The following CCDC88C variants were observed in gnomAD, a reference collection of about 807,000 sequenced individuals.
CCDC88C encodes the protein protein Daple.
A neutral mutation model predicts 198.8 loss-of-function variants in CCDC88C; 131 were observed. The observed-to-expected ratio is 0.66, with a 90% CI of 0.57 to 0.76. The LOEUF is 0.76. CCDC88C is among the 30% of genes least tolerant of loss of function. CCDC88C has a pLI of 0.00. For synonymous variants in CCDC88C, 1,166 were observed against 1,114.7 expected (o/e 1.05, Z -0.92); for missense variants, 2,553 against 2,631.6 (o/e 0.97, Z 0.65).
rs552845698 is a variant in CCDC88C at position 91,315,701 on chromosome 14, C to A, written c.1614G>T (p.Lys538Asn). 1.9e-6 allele frequency: 3 copies of A among 1,613,870 alleles called. No homozygotes were observed. In the African/African-American group the frequency reaches 4.0e-5, roughly 22 times the overall value. ...TCTCCATGTCACTCTGCAGCTGCTC[C>A]TTCTCTCTGATCAGCTCCTCACTGA... Reference protein sequence around the residue: ...ETLSEELIREKEQLQSDMETL... With the variant: ...ETLSEELIRENEQLQSDMETL... Residue 538 changes from lysine to asparagine, a missense_variant, in exon 14 of 30, where the codon AAG (lysine) becomes AAT (asparagine). By Grantham distance (94) the Lys-to-Asn change is moderately conservative. Around this residue, in one of 2 missense-constraint regions of CCDC88C, gnomAD observed 1,260 missense variants for 1,412.0 expected, o/e 0.89. Coordinates refer to ENST00000389857, the MANE Select transcript of CCDC88C (RefSeq NM_001080414.4).
chr14:91,387,501 A>T (rs992300342), intron 3 of CCDC88C, among the ~76,000 whole-genome samples: 2 of 152,186 alleles, frequency 1.3e-5, no homozygotes, highest in Admixed American at 6.5e-5. Context: ...GTTGCCGCCT[A>T]TAAGAGCTCT....
chr14:91,404,698 T>G (rs1268385141), intron 3 of CCDC88C, among the ~76,000 whole-genome samples: 5 of 152,064 alleles, frequency 3.3e-5, no homozygotes, highest in Non-Finnish European at 5.9e-5. Context: ...GCGCGGTGGC[T>G]CACGCCTGTA....
chr14:91,397,439 T>TAC lies in CCDC88C; in HGVS notation c.270+11218_270+11219dup, dbSNP rs1240965347. Among the ~76,000 whole-genome samples, 4 of 151,950 alleles carry TAC rather than the reference T, an allele frequency of 2.6e-5. No homozygotes were observed. In the East Asian group the frequency reaches 7.7e-4, roughly 29 times the overall value. ...AGCCTCAGAGAACAGAAAGACTGTG[T>TAC]ACACACACACACTCACACACACTCT... On this transcript the variant is annotated intron_variant, in intron 3 of 29. Coordinates refer to ENST00000389857, the MANE Select transcript of CCDC88C (RefSeq NM_001080414.4).
intron 3 of CCDC88C, among the ~76,000 whole-genome samples, chr14:91,403,892 A>G (rs1886345083): frequency 1.3e-5 from 2 of 152,204 alleles, no homozygotes; most frequent in African/African-American, 4.8e-5. Context: ...AGACTATACC[A>G]CTGCACTCTA....
At chr14:91,406,634 C>T (rs55950330) in intron 3 of CCDC88C, among the ~76,000 whole-genome samples, 23,204 of 152,260 alleles carry the variant, frequency 0.15, 2,062 homozygotes, top group Admixed American at 0.21. Flanking sequence ...GCACTCAGCA[C>T]AGAGTCCTGA....
chr14:91,316,434 T>C (rs1342023030), intron 13 of CCDC88C, among the ~76,000 whole-genome samples: 2 of 152,084 alleles, frequency 1.3e-5, no homozygotes, highest in African/African-American at 4.8e-5. Flanking sequence ...ACCTTTTTTT[T>C]TTTTTGAGAT....
chr14:91,380,119 A>G (rs1369149573), intron 3 of CCDC88C, among the ~76,000 whole-genome samples: 2 of 152,214 alleles, frequency 1.3e-5, no homozygotes, highest in African/African-American at 4.8e-5. Flanking sequence ...ATTTCCTCAT[A>G]TTTGTTTTCC....
chr14:91,320,024 C>CAAAAAAAAAA (rs61102058), intron 13 of CCDC88C, among the ~76,000 whole-genome samples: 2 of 24,156 alleles, frequency 8.3e-5, no homozygotes, highest in Non-Finnish European at 1.1e-4. Flanking sequence ...AACTCAGTCT[C>CAAAAAAAAAA]AAAAAAAAAA....
At position 91,417,677 on chromosome 14, in the gene CCDC88C, A is replaced by G; in HGVS notation, c.14T>C (p.Val5Ala). 1 of 1,578,832 alleles carries G rather than the reference A, an allele frequency of 6.3e-7. No individual in the cohort carries two copies. The highest frequency in any genetic ancestry group is 8.6e-7 in the Non-Finnish European group (1 of 1,166,372). MDVTVSELLELFLQS... is the reference protein window; with the variant it reads MDVTASELLELFLQS... ...CAGGAAGAGCTCCAGGAGCTCCGAG[A>G]CTGTCACGTCCATGCTGAGGCTGCG... The change falls in exon 1 of 30, where the codon GTC (valine) becomes GCC (alanine). Residue 5 changes from valine (V) to alanine (A), a missense_variant. Val to Ala is a moderately conservative substitution (Grantham distance 64). Around this residue, in one of 2 missense-constraint regions of CCDC88C, gnomAD observed 1,260 missense variants for 1,412.0 expected, o/e 0.89. Coordinates refer to ENST00000389857, the MANE Select transcript of CCDC88C (RefSeq NM_001080414.4).
intron 3 of CCDC88C, among the ~76,000 whole-genome samples, chr14:91,378,050 G>A (rs1884558742): frequency 6.6e-6 from 1 of 152,240 alleles, no homozygotes; most frequent in South Asian, 2.1e-4. Flanking sequence ...CACATTAGAG[G>A]AGATAAAACA....
rs759575314 is a variant in CCDC88C at position 91,309,939 on chromosome 14, C to G, written c.2784G>C (p.Leu928=). Residue 928 remains leucine (L), a synonymous_variant, in exon 16 of 30, where the codon CTG becomes CTC. Transcript: ENST00000389857. ...TCTCCAGTTCCTGGCTCAGCTTGTC[C>G]AGCTCACTGCTGAGCTGCTGGCTCT... ...KLKSQQLSSE[L]DKLSQELEKV... is the part of the protein sequence containing the mutation. The G allele has an allele frequency of 1.3e-5, 21 of 1,606,424 alleles. No individual in the cohort carries two copies. The highest frequency in any genetic ancestry group is 1.7e-5 in the Non-Finnish European group (20 of 1,176,638).
In CCDC88C at chr14:91,281,220, A is replaced by AG. The variant is rs201344042; in HGVS notation, c.4699+236dup. 1.8e-3 allele frequency: 1,900 copies of AG among 1,038,782 alleles called. 54 individuals carry two copies. The Admixed American group carries it at 0.038, about 21-fold the overall frequency. 64.3% of individuals were successfully genotyped at this position (1,038,782 alleles called of 1,614,324 possible). On this transcript the variant is annotated intron_variant, in intron 27 of 29. Transcript: ENST00000389857. ...GGGTGCTTGAAGGCATGAAGAGGAG[A>AG]GGTCGGTGCTTCCAGAACTGTGATG...
At chr14:91,336,773 C>T (rs35043521) in intron 10 of CCDC88C, among the ~76,000 whole-genome samples, 13,179 of 152,268 alleles carry the variant, frequency 0.087, 720 homozygotes, top group Admixed American at 0.16. Context: ...GACAGGTCCT[C>T]GCCACAGCCT....
Position 91,273,770 on chromosome 14 carries a change from C to T in CCDC88C, c.5059-117G>A. 2.4e-6 allele frequency: 2 copies of T among 849,096 alleles called. No individual in the cohort carries two copies. Among genetic ancestry groups the T allele is most frequent in the South Asian group, 4.1e-5 (1 of 24,564 alleles). The allele number at this position is 849,096 out of a possible 1,614,324, so 52.6% of individuals were successfully genotyped here. A position where few individuals can be genotyped will look rare whatever the true frequency, so the allele number is the denominator to read the frequency against. On this transcript the variant is annotated intron_variant, in intron 29 of 29. Coordinates refer to ENST00000389857, the MANE Select transcript of CCDC88C (RefSeq NM_001080414.4). This position sits in a 1 kb window ranked among gnomAD's most constrained non-coding sequence, Gnocchi z 5.6. ...ACGTGGCTGGGACCGCAGTTCCTGCCTGCCTTCTCCGAGGCACATGTGCCG... is the reference window on the plus strand; with the variant it reads ...ACGTGGCTGGGACCGCAGTTCCTGCTTGCCTTCTCCGAGGCACATGTGCCG...
Position 91,288,333 on chromosome 14 carries a change from G to A in CCDC88C, c.4441+772C>T, listed in dbSNP as rs1316487967. Among the ~76,000 whole-genome samples the A allele has an allele frequency of 6.6e-6, 1 of 152,164 alleles. No homozygotes were observed. Among genetic ancestry groups the A allele is most frequent in the Non-Finnish European group, 1.5e-5 (1 of 68,014 alleles). ...AGGCACAGTGTGTCCTGTGGCTGGT[G>A]GGACACAAGGCCAGATCAGGCTGAA... is the stretch of plus-strand genomic sequence containing the variant. On this transcript the variant is annotated intron_variant, in intron 25 of 29. Coordinates refer to ENST00000389857, the MANE Select transcript of CCDC88C (RefSeq NM_001080414.4). The surrounding 1 kb of genome is among the most constrained non-coding windows in gnomAD (Gnocchi z 4.2).
At chr14:91,274,213 G>C (rs958597771) in intron 29 of CCDC88C, among the ~76,000 whole-genome samples, 1 of 152,102 alleles carries the variant, frequency 6.6e-6, no homozygotes, top group Non-Finnish European at 1.5e-5. Flanking sequence ...GGATGGGAGG[G>C]GGTGGGGGAC....
intron 4 of CCDC88C, among the ~76,000 whole-genome samples, chr14:91,353,138 T>C (rs1389693740): frequency 1.3e-5 from 2 of 152,220 alleles, no homozygotes; most frequent in Non-Finnish European, 2.9e-5. Context: ...CTGTTTCCTC[T>C]GGCCCATGAA....
At chr14:91,399,187 T>TCC (rs1443139066) in intron 3 of CCDC88C, among the ~76,000 whole-genome samples, 1 of 151,894 alleles carries the variant, frequency 6.6e-6, no homozygotes, top group East Asian at 1.9e-4. Flanking sequence ...TGAGCCAACC[T>TCC]CCCCATGGCT....
chr14:91,287,786 T>C (rs1468751844), intron 25 of CCDC88C, among the ~76,000 whole-genome samples: 1 of 152,036 alleles, frequency 6.6e-6, no homozygotes, highest in East Asian at 1.9e-4. Context: ...CAAGACCCCA[T>C]GGGTCTCAGG....
Sources: allele counts gnomAD v4.1 joint callset (sites outside exome capture counted in the v4.1 genomes callset), GRCh38; gene constraint gnomAD v4.1.1; regional missense constraint gnomAD v4.1.1; non-coding constraint Gnocchi (gnomAD v3.1); transcripts MANE v1.5; gene names NCBI Gene and HGNC (gene_info 2026-07-23, HGNC 2026-07-21).